The following ENOX1 variants were observed in gnomAD, a reference collection of about 807,000 sequenced individuals.
ENOX1 encodes the protein ecto-NOX disulfide-thiol exchanger 1, also known as candidate growth-related and time keeping constitutive hydroquinone (NADH) oxidase.
In ENOX1, 42 loss-of-function variants were observed where a neutral mutation model predicts 82.5. The observed-to-expected ratio is 0.51, with a 90% CI of 0.40 to 0.66. The LOEUF (loss-of-function observed/expected upper bound fraction) is 0.66. Ranked by LOEUF, ENOX1 falls within the 30% of genes least tolerant of loss-of-function variation. The pLI is 0.00. For missense variants in ENOX1, 608 were observed against 811.6 expected (o/e 0.75, Z 3.05); for synonymous variants, 271 against 282.2 (o/e 0.96, Z 0.40).
intron 5 of ENOX1, among the ~76,000 whole-genome samples, chr13:43,389,847 C>T (rs1167443184): frequency 1.3e-5 from 2 of 152,158 alleles, no homozygotes; most frequent in Non-Finnish European, 2.9e-5. Context: ...GGAGCCAAGA[C>T]AGTAGGGTCT....
chr13:43,437,546 A>G (rs951563486), intron 3 of ENOX1, among the ~76,000 whole-genome samples: 7 of 152,208 alleles, frequency 4.6e-5, no homozygotes, highest in African/African-American at 1.4e-4. Context: ...TTTTAGAATG[A>G]CAACTTACTA....
chr13:43,555,623 C>T (rs756209890), intron 2 of ENOX1, among the ~76,000 whole-genome samples: 6 of 152,168 alleles, frequency 3.9e-5, no homozygotes, highest in African/African-American at 9.6e-5. Flanking sequence ...ATCAAAGCCC[C>T]GACAGAGGAT....
intron 12 of ENOX1, among the ~76,000 whole-genome samples, chr13:43,286,617 A>G (rs1243930391): frequency 6.6e-6 from 1 of 152,182 alleles, no homozygotes; most frequent in Non-Finnish European, 1.5e-5. Flanking sequence ...TTATTTTGAG[A>G]AGGAATGATT....
chr13:43,371,566 T>C (rs1407444307), intron 5 of ENOX1, among the ~76,000 whole-genome samples: 2 of 152,222 alleles, frequency 1.3e-5, no homozygotes, highest in Non-Finnish European at 1.5e-5. Flanking sequence ...TCTGAGGCAA[T>C]ATGCAAGTGT....
At chr13:43,351,942 T>C (rs1293830121) in intron 8 of ENOX1, among the ~76,000 whole-genome samples, 1 of 152,122 alleles carries the variant, frequency 6.6e-6, no homozygotes. Context: ...CATAAGGAAA[T>C]AATTTGCAAA....
chr13:43,767,295 C>T (rs754094295), intron 1 of ENOX1, among the ~76,000 whole-genome samples: 1 of 152,122 alleles, frequency 6.6e-6, no homozygotes, highest in African/African-American at 2.4e-5. Context: ...CACAGATGTC[C>T]CCATTGGGCA....
At chr13:43,305,416 C>T (rs1375256579) in intron 11 of ENOX1, among the ~76,000 whole-genome samples, 1 of 152,158 alleles carries the variant, frequency 6.6e-6, no homozygotes, top group Admixed American at 6.5e-5. Flanking sequence ...GAAAGCTAAA[C>T]AGAAGCACAA....
intron 8 of ENOX1, among the ~76,000 whole-genome samples, chr13:43,354,212 G>T (rs1317273967): frequency 6.6e-6 from 1 of 152,196 alleles, no homozygotes; most frequent in African/African-American, 2.4e-5. Flanking sequence ...ACTCCTTATG[G>T]TTTCTAGGCT....
chr13:43,330,357 G>T (rs1419401661), intron 9 of ENOX1, among the ~76,000 whole-genome samples: 3 of 152,226 alleles, frequency 2.0e-5, no homozygotes, highest in African/African-American at 7.2e-5. Context: ...CAGAGTGGTG[G>T]CCAGAGGCCC....
At chr13:43,318,412 T>C (rs988600028) in intron 11 of ENOX1, among the ~76,000 whole-genome samples, 1 of 152,232 alleles carries the variant, frequency 6.6e-6, no homozygotes, top group African/African-American at 2.4e-5. Flanking sequence ...TAACTAACTC[T>C]GTGTGCCCTG....
At chr13:43,693,473 A>G (rs2086474520) in intron 1 of ENOX1, among the ~76,000 whole-genome samples, 1 of 152,236 alleles carries the variant, frequency 6.6e-6, no homozygotes, top group Admixed American at 6.5e-5. Flanking sequence ...CTGCCTGGAC[A>G]GTTAACACTA....
At chr13:43,586,176 C>T (rs2080974104) in intron 2 of ENOX1, among the ~76,000 whole-genome samples, 1 of 152,216 alleles carries the variant, frequency 6.6e-6, no homozygotes, top group Non-Finnish European at 1.5e-5. Flanking sequence ...CCTTCGCCAA[C>T]CCCAAGCTGG....
intron 1 of ENOX1, among the ~76,000 whole-genome samples, chr13:43,730,988 A>C (rs973504718): frequency 1.3e-5 from 2 of 152,184 alleles, no homozygotes; most frequent in Middle Eastern, 3.4e-3. Flanking sequence ...TTTCTTCATG[A>C]TGTGTCTCAT....
intron 5 of ENOX1, among the ~76,000 whole-genome samples, chr13:43,389,534 T>A (rs1458875015): frequency 6.6e-6 from 1 of 152,176 alleles, no homozygotes; most frequent in Non-Finnish European, 1.5e-5. Context: ...AAATACTTAA[T>A]CCACGTAGAG....
intron 5 of ENOX1, among the ~76,000 whole-genome samples, chr13:43,362,845 G>A (rs2050617066): frequency 6.6e-6 from 1 of 152,140 alleles, no homozygotes; most frequent in African/African-American, 2.4e-5. Flanking sequence ...AACCCCAAGA[G>A]GACTGCTGTC....
intron 2 of ENOX1, among the ~76,000 whole-genome samples, chr13:43,485,655 T>C (rs1276787668): frequency 2.0e-5 from 3 of 152,142 alleles, no homozygotes; most frequent in African/African-American, 4.8e-5. Context: ...AAAGGTGAGC[T>C]TGACAAAGAA....
At chr13:43,468,000 T>C (rs1593347748) in intron 3 of ENOX1, among the ~76,000 whole-genome samples, 1 of 152,136 alleles carries the variant, frequency 6.6e-6, no homozygotes, top group Non-Finnish European at 1.5e-5. Context: ...TCATGGATTC[T>C]CTATTCCATT....
chr13:43,595,443 G>A (rs533839066), intron 2 of ENOX1, among the ~76,000 whole-genome samples: 2 of 151,886 alleles, frequency 1.3e-5, no homozygotes, highest in Non-Finnish European at 2.9e-5. Context: ...TTAAGTTCTA[G>A]GGTACATGTG....
chr13:43,325,935 A>G (rs1045322667), intron 10 of ENOX1, among the ~76,000 whole-genome samples: 4 of 152,172 alleles, frequency 2.6e-5, no homozygotes, highest in Non-Finnish European at 5.9e-5. Context: ...CCCTTACAAC[A>G]TTGGATCTGG....
Sources: allele counts gnomAD v4.1 joint callset (sites outside exome capture counted in the v4.1 genomes callset), GRCh38; gene constraint gnomAD v4.1.1; transcripts MANE v1.5; gene names NCBI Gene and HGNC (gene_info 2026-07-23, HGNC 2026-07-21).